The following TMTC2 variants were observed in gnomAD, a reference collection of about 807,000 sequenced individuals.
TMTC2 encodes the protein protein O-mannosyl-transferase TMTC2.
TMTC2 carries 43 observed loss-of-function variants against 82.4 expected under a neutral mutation model. The ratio of observed to expected loss-of-function variants is 0.52; its 90% CI spans 0.41 to 0.67. TMTC2 has a LOEUF of 0.67. TMTC2 is among the 30% of genes least tolerant of loss of function. TMTC2 has a pLI of 0.00. For synonymous variants in TMTC2, 408 were observed against 381.9 expected (o/e 1.07, Z -0.80); for missense variants, 919 against 1,012.4 (o/e 0.91, Z 1.25).
intron 1 of TMTC2, among the ~76,000 whole-genome samples, chr12:82,788,773 A>C (rs1878310047): frequency 6.6e-6 from 1 of 151,996 alleles, no homozygotes; most frequent in Middle Eastern, 3.4e-3. Context: ...TTCTTGGCCT[A>C]CTCTGCTTTT....
chr12:82,793,111 G>A (rs1030966763), intron 1 of TMTC2, among the ~76,000 whole-genome samples: 1 of 152,108 alleles, frequency 6.6e-6, no homozygotes, highest in Non-Finnish European at 1.5e-5. Context: ...CACGATGATA[G>A]TATGGCTAAT....
chr12:82,983,608 G>A (rs1174968633), intron 7 of TMTC2, among the ~76,000 whole-genome samples: 1 of 151,956 alleles, frequency 6.6e-6, no homozygotes, highest in Non-Finnish European at 1.5e-5. Flanking sequence ...CTGTACAGAA[G>A]ACCTAGTGTT....
chr12:83,118,565 C>T (rs984865022), intron 11 of TMTC2, among the ~76,000 whole-genome samples: 3 of 152,048 alleles, frequency 2.0e-5, no homozygotes, highest in Non-Finnish European at 2.9e-5. Flanking sequence ...TTGTTGGATT[C>T]GGTTAGCTAG....
chr12:82,702,829 C>T (rs575554543), intron 1 of TMTC2, among the ~76,000 whole-genome samples: 103 of 152,068 alleles, frequency 6.8e-4, no homozygotes, highest in African/African-American at 2.2e-3. Flanking sequence ...GCCTGGGCAA[C>T]ACAGGGAGAC....
intron 8 of TMTC2, among the ~76,000 whole-genome samples, chr12:82,989,086 G>A (rs1879295634): frequency 6.6e-6 from 1 of 150,910 alleles, no homozygotes; most frequent in Admixed American, 6.6e-5. Context: ...TATGAAGCAG[G>A]ATGTCAAGAA....
intron 1 of TMTC2, among the ~76,000 whole-genome samples, chr12:82,753,682 C>T (rs947679611): frequency 3.3e-5 from 5 of 152,178 alleles, no homozygotes; most frequent in Non-Finnish European, 7.3e-5. Context: ...ATTTAGGTCT[C>T]TCTCATGAGA....
chr12:82,971,795 A>C (rs1878457532), intron 7 of TMTC2, among the ~76,000 whole-genome samples: 1 of 128,354 alleles, frequency 7.8e-6, no homozygotes, highest in African/African-American at 3.0e-5. Context: ...AACTGTTTAG[A>C]ATAACCTCTG....
At chr12:83,009,181 A>G (rs1233460610) in intron 8 of TMTC2, among the ~76,000 whole-genome samples, 1 of 152,200 alleles carries the variant, frequency 6.6e-6, no homozygotes, top group East Asian at 1.9e-4. Flanking sequence ...ACCCTGGAGA[A>G]TAGGCCTCTG....
intron 1 of TMTC2, among the ~76,000 whole-genome samples, chr12:82,855,740 A>G (rs1871233355): frequency 6.6e-6 from 1 of 152,248 alleles, no homozygotes; most frequent in South Asian, 2.1e-4. Flanking sequence ...TTATCCACAT[A>G]TGTCAGTACT....
At chr12:82,839,329 A>T (rs1411491088) in intron 1 of TMTC2, among the ~76,000 whole-genome samples, 1 of 152,202 alleles carries the variant, frequency 6.6e-6, no homozygotes, top group African/African-American at 2.4e-5. Flanking sequence ...GAATCTATCT[A>T]TTCTGAGTAG....
intron 1 of TMTC2, among the ~76,000 whole-genome samples, chr12:82,803,240 CT>C (rs964116188): frequency 1.3e-5 from 2 of 152,084 alleles, no homozygotes; most frequent in Non-Finnish European, 2.9e-5. Context: ...AAATATTGGA[CT>C]CATTCTCATT....
chr12:82,872,614 A>C (rs2137139339), intron 2 of TMTC2, among the ~76,000 whole-genome samples: 1 of 152,264 alleles, frequency 6.6e-6, no homozygotes, highest in African/African-American at 2.4e-5. Flanking sequence ...AATTCAGATA[A>C]ATTTTTTTCC....
At chr12:82,763,153 GCAGA>G (rs1305809407) in intron 1 of TMTC2, among the ~76,000 whole-genome samples, 1 of 149,838 alleles carries the variant, frequency 6.7e-6, no homozygotes, top group Non-Finnish European at 1.5e-5. Flanking sequence ...ACACTGTAAA[GCAGA>G]CAAAGTTAAA....
intron 11 of TMTC2, among the ~76,000 whole-genome samples, chr12:83,099,951 C>T (rs1052681184): frequency 7.9e-5 from 12 of 151,360 alleles, no homozygotes; most frequent in African/African-American, 2.2e-4. Context: ...AGTCTCTCTC[C>T]GTCACCCAGG....
chr12:82,690,233 G>A (rs147877762), intron 1 of TMTC2: 21 of 305,986 alleles, frequency 6.9e-5, no homozygotes, highest in Admixed American at 4.5e-4. Flanking sequence ...GTTTATTTCC[G>A]CTACTACATT....
chr12:82,734,165 G>A (rs182107768), intron 1 of TMTC2, among the ~76,000 whole-genome samples: 165 of 152,324 alleles, frequency 1.1e-3, no homozygotes, highest in Middle Eastern at 6.8e-3. Flanking sequence ...GTGATATGAT[G>A]AGGTTATACG....
chr12:82,870,047 A>G (rs982888798), intron 2 of TMTC2, among the ~76,000 whole-genome samples: 3 of 152,144 alleles, frequency 2.0e-5, no homozygotes, highest in Non-Finnish European at 2.9e-5. Flanking sequence ...GGCCATTTGC[A>G]CTTCAGTTAG....
chr12:82,938,337 A>T (rs577954367), intron 4 of TMTC2, among the ~76,000 whole-genome samples: 22 of 152,104 alleles, frequency 1.4e-4, no homozygotes, highest in African/African-American at 5.3e-4. Flanking sequence ...AGACTACTTG[A>T]CGTAGAGTTT....
At chr12:82,842,674 A>G (rs904674135) in intron 1 of TMTC2, among the ~76,000 whole-genome samples, 1 of 152,190 alleles carries the variant, frequency 6.6e-6, no homozygotes, top group Non-Finnish European at 1.5e-5. Flanking sequence ...ATGTTCTCAC[A>G]GTTCTAGACT....
Sources: gnomAD v4.1 joint callset for allele counts (sites outside exome capture counted in the v4.1 genomes callset) on GRCh38, gnomAD v4.1.1 for gene constraint, MANE v1.5 for transcripts, NCBI Gene and HGNC (gene_info 2026-07-23, HGNC 2026-07-21) for gene names.